Variants in SMYD3 observed in about 807,000 individuals in gnomAD.
SMYD3 encodes the protein histone-lysine N-methyltransferase SMYD3.
SMYD3 carries 36 observed loss-of-function variants against 57.7 expected under a neutral mutation model. The ratio of observed to expected loss-of-function variants is 0.62; its 90% CI spans 0.48 to 0.82. The LOEUF (loss-of-function observed/expected upper bound fraction) is 0.82. SMYD3 is among the 40% of genes least tolerant of loss of function. The pLI is 0.00. For missense variants in SMYD3, 515 were observed against 538.8 expected (o/e 0.96, Z 0.44); for synonymous variants, 211 against 195.0 (o/e 1.08, Z -0.68).
At chr1:246,430,229 G>C (rs2067276501) in intron 1 of SMYD3, among the ~76,000 whole-genome samples, 1 of 152,188 alleles carries the variant, frequency 6.6e-6, no homozygotes, top group South Asian at 2.1e-4. Flanking sequence ...CTGTTAAATG[G>C]ATATCAATAA....
rs117088254 is a variant in SMYD3, at chr1:245,814,885, C to T, written c.1076+43611G>A. The stretch of plus-strand genomic sequence containing the variant: ...AAGCACACACACACGCACGCACACA[C>T]GCATGCACACACACACACTCTATCT... On this transcript the variant is annotated intron_variant, in intron 10 of 11. Coordinates refer to ENST00000490107, the MANE Select transcript of SMYD3 (RefSeq NM_001167740.2). Among the ~76,000 whole-genome samples, 804 of 151,544 alleles carry T rather than the reference C, an allele frequency of 5.3e-3. 7 individuals are homozygous for T. Among genetic ancestry groups the T allele is most frequent in the African/African-American group, 0.018 (732 of 41,146 alleles).
At chr1:246,127,837 A>G (rs1345437613) in intron 5 of SMYD3, among the ~76,000 whole-genome samples, 2 of 152,084 alleles carry the variant, frequency 1.3e-5, no homozygotes, top group African/African-American at 2.4e-5. Flanking sequence ...CGGAGGTTGC[A>G]GTGAGCCACG....
intron 1 of SMYD3, among the ~76,000 whole-genome samples, chr1:246,373,250 T>G (rs977327790): frequency 6.6e-6 from 1 of 152,134 alleles, no homozygotes; most frequent in Non-Finnish European, 1.5e-5. Flanking sequence ...CAAATAAACA[T>G]AAACATTAAT....
chr1:245,896,324 A>G (rs2053778696), intron 8 of SMYD3, among the ~76,000 whole-genome samples: 1 of 149,846 alleles, frequency 6.7e-6, no homozygotes, highest in Non-Finnish European at 1.5e-5. Flanking sequence ...GTTCCCTTCT[A>G]CTCCAAATCC....
At chr1:246,280,780 C>T (rs1780813) in intron 5 of SMYD3, among the ~76,000 whole-genome samples, 5,072 of 152,214 alleles carry the variant, frequency 0.033, 125 homozygotes, top group East Asian at 0.068. Context: ...CTGGCCTCAT[C>T]TTTTCTGTTT....
At chr1:246,041,672 G>C (rs2059876685) in intron 5 of SMYD3, among the ~76,000 whole-genome samples, 1 of 152,128 alleles carries the variant, frequency 6.6e-6, no homozygotes, top group Non-Finnish European at 1.5e-5. Context: ...AACATTCATA[G>C]CCTGAGTGAT....
intron 10 of SMYD3, among the ~76,000 whole-genome samples, chr1:245,811,582 C>T (rs1321786576): frequency 6.6e-6 from 1 of 152,058 alleles, no homozygotes; most frequent in African/African-American, 2.4e-5. Context: ...CTAATGTGGC[C>T]GTTCTTGTCA....
At chr1:245,978,222 G>A (rs2058499519) in intron 5 of SMYD3, among the ~76,000 whole-genome samples, 1 of 152,160 alleles carries the variant, frequency 6.6e-6, no homozygotes, top group Non-Finnish European at 1.5e-5. Context: ...TATGCTGGGA[G>A]GCATCTTCTG....
At chr1:246,127,936 G>C (rs2061533262) in intron 5 of SMYD3, among the ~76,000 whole-genome samples, 1 of 146,940 alleles carries the variant, frequency 6.8e-6, no homozygotes, top group Non-Finnish European at 1.5e-5. Context: ...ATACGAAAAG[G>C]AGAGGAGATT....
At chr1:246,269,246 G>A (rs763425728) in intron 5 of SMYD3, among the ~76,000 whole-genome samples, 8 of 152,026 alleles carry the variant, frequency 5.3e-5, no homozygotes, top group Non-Finnish European at 7.4e-5. Flanking sequence ...TTAGTAGATC[G>A]ACTAACAACA....
chr1:245,832,106 A>G (rs2049869732), intron 10 of SMYD3, among the ~76,000 whole-genome samples: 1 of 152,202 alleles, frequency 6.6e-6, no homozygotes, highest in East Asian at 1.9e-4. Flanking sequence ...CATTCAGTCC[A>G]GAAAGGATCT....
chr1:246,248,902 C>T (rs765961068), intron 5 of SMYD3, among the ~76,000 whole-genome samples: 134 of 148,312 alleles, frequency 9.0e-4, no homozygotes, highest in Non-Finnish European at 1.0e-3. Flanking sequence ...GTGACCCGCG[C>T]GCCTCAGCCT....
At chr1:245,791,527 C>T (rs570326456) in intron 10 of SMYD3, among the ~76,000 whole-genome samples, 30 of 149,076 alleles carry the variant, frequency 2.0e-4, no homozygotes, top group African/African-American at 4.5e-4. Context: ...CTGTGGAGCA[C>T]GGGTCAGCCA....
chr1:246,069,754 G>T (rs892627762), intron 5 of SMYD3, among the ~76,000 whole-genome samples: 6 of 152,150 alleles, frequency 3.9e-5, no homozygotes, highest in African/African-American at 1.4e-4. Context: ...GCAGCAGCAG[G>T]CTCACTCCTC....
chr1:246,072,810 T>C (rs1431817916), intron 5 of SMYD3, among the ~76,000 whole-genome samples: 1 of 152,206 alleles, frequency 6.6e-6, no homozygotes, highest in African/African-American at 2.4e-5. Flanking sequence ...GACAGACTTT[T>C]CTTCTGCCTT....
At chr1:246,216,646 C>G (rs1234658982) in intron 5 of SMYD3, among the ~76,000 whole-genome samples, 2 of 151,462 alleles carry the variant, frequency 1.3e-5, no homozygotes, top group Non-Finnish European at 2.9e-5. Flanking sequence ...ACCTTTTCTG[C>G]ATTATTGAAA....
intron 1 of SMYD3, among the ~76,000 whole-genome samples, chr1:246,377,754 CTCTCAT>C (rs1481404137): frequency 6.6e-6 from 1 of 152,228 alleles, no homozygotes; most frequent in Non-Finnish European, 1.5e-5. Flanking sequence ...CCGGACTCCA[CTCTCAT>C]TCCATTTCTT....
At chr1:245,894,050 C>T (rs1295248522) in intron 8 of SMYD3, among the ~76,000 whole-genome samples, 1 of 152,140 alleles carries the variant, frequency 6.6e-6, no homozygotes, top group Non-Finnish European at 1.5e-5. Flanking sequence ...TGCAGAGTAC[C>T]TCGTGAGAGG....
chr1:245,815,654 G>T (rs1222570627), intron 10 of SMYD3, among the ~76,000 whole-genome samples: 1 of 152,226 alleles, frequency 6.6e-6, no homozygotes, highest in Admixed American at 6.5e-5. Flanking sequence ...TCTGTGTCCT[G>T]CTCAAAAGCA....
Sources: allele counts gnomAD v4.1 joint callset (sites outside exome capture counted in the v4.1 genomes callset), GRCh38; gene constraint gnomAD v4.1.1; transcripts MANE v1.5; gene names NCBI Gene and HGNC (gene_info 2026-07-23, HGNC 2026-07-21).